LRGUK: variants seen among roughly 807,000 people sequenced by gnomAD.
LRGUK encodes leucine rich repeats and guanylate kinase domain containing.
LRGUK carries 65 observed loss-of-function variants against 76.0 expected under a neutral mutation model. That is an observed-to-expected ratio of 0.85 (90% CI 0.70 to 1.05). LRGUK has a LOEUF of 1.05. Among genes scored for constraint, LRGUK ranks in the 50% least tolerant of loss-of-function variants. The pLI is 0.00. For synonymous variants in LRGUK, 268 were observed against 265.6 expected, an observed-to-expected ratio of 1.01 and a Z score of -0.09; for missense variants, 758 against 732.8, an observed-to-expected ratio of 1.03 and a Z score of -0.40.
rs932110684 is a variant in LRGUK at position 134,149,382 on chromosome 7, A to T, written c.670+1063A>T. ...ATTTTGGGAGACAGAATGGAGAATGAATTGATTGCCTTGGGTGCCTCATTC... is the reference window on the plus strand; with the variant it reads ...ATTTTGGGAGACAGAATGGAGAATGTATTGATTGCCTTGGGTGCCTCATTC... On this transcript the variant is annotated intron_variant, in intron 5 of 15. Coordinates refer to ENST00000645682, the Ensembl canonical transcript of LRGUK. Among the ~76,000 whole-genome samples, 3 of 152,178 alleles carry T rather than the reference A, an allele frequency of 2.0e-5. No homozygotes were observed. The South Asian group carries it at 6.2e-4, about 32-fold the overall frequency.
intron 1 of LRGUK, among the ~76,000 whole-genome samples, chr7:134,134,883 C>G (rs1301852259): frequency 4.6e-5 from 7 of 152,182 alleles, no homozygotes; most frequent in Non-Finnish European, 8.8e-5. Context: ...ATTGGGAACA[C>G]TACGTTGCAC....
chr7:134,213,979 T>C (rs938325443), downstream of LRGUK, among the ~76,000 whole-genome samples: 2 of 152,352 alleles, frequency 1.3e-5, no homozygotes, highest in East Asian at 3.8e-4. Context: ...ACATTAGTAA[T>C]ACCATCTTTA....
At chr7:134,139,394 T>G in intron 2 of LRGUK, 42 bp from the exon 3 acceptor site, 1 of 1,315,100 alleles carries the variant, frequency 7.6e-7, no homozygotes, top group South Asian at 1.2e-5. Flanking sequence ...AGTAGTAACC[T>G]GATAAAGCAA....
chr7:134,219,095 A>G (rs947859557), intron 15 of LRGUK, among the ~76,000 whole-genome samples: 3 of 152,234 alleles, frequency 2.0e-5, no homozygotes, highest in Non-Finnish European at 4.4e-5. Context: ...ACTTTAATTT[A>G]GATAGCTTGA....
intron 5 of LRGUK, among the ~76,000 whole-genome samples, chr7:134,151,336 T>G (rs1046690241): frequency 6.6e-6 from 1 of 152,078 alleles, no homozygotes; most frequent in African/African-American, 2.4e-5. Context: ...AGAAAAATAT[T>G]ACACATCAGT....
intron 16 of LRGUK, among the ~76,000 whole-genome samples, chr7:134,227,333 A>C (rs557562006): frequency 1.3e-5 from 2 of 152,322 alleles, no homozygotes; most frequent in East Asian, 3.9e-4. Context: ...CTTGGAGTAA[A>C]GGTGAACAAA....
rs543597805 is a variant in LRGUK, at chr7:134,198,494, T to C, written c.1546-726T>C. On this transcript the variant is annotated intron_variant, in intron 13 of 15. Coordinates refer to ENST00000645682, the Ensembl canonical transcript of LRGUK. ...TAGCCTGTATTTCTTCCAACTGAAT[T>C]TTTAAAACAAAGACTTTGAACATTG... 3.3e-5 allele frequency among the ~76,000 whole-genome samples: 5 copies of C among 152,350 alleles called. No individual in the cohort carries two copies. In the South Asian group the frequency reaches 1.0e-3, roughly 32 times the overall value.
intron 1 of LRGUK, among the ~76,000 whole-genome samples, chr7:134,128,426 C>T (rs1254403466): frequency 1.3e-5 from 2 of 152,206 alleles, no homozygotes; most frequent in African/African-American, 4.8e-5. Flanking sequence ...TTATTATGGT[C>T]CTTTTCCTTT....
At chr7:134,157,961 G>T (rs1798556860) in intron 5 of LRGUK, 74 bp from the exon 6 acceptor site, 1 of 1,388,486 alleles carries the variant, frequency 7.2e-7, no homozygotes, top group African/African-American at 1.4e-5. Context: ...GTCTAGTGAT[G>T]ATTTAACACT....
chr7:134,237,223 T>C (rs574775845), intron 16 of LRGUK, among the ~76,000 whole-genome samples: 1 of 152,038 alleles, frequency 6.6e-6, no homozygotes, highest in East Asian at 1.9e-4. Context: ...CCCAGCTAAT[T>C]TTTGTATTTT....
Position 134,226,245 on chromosome 7 carries a change from TGTGTGTG to T in LRGUK, c.1983+4328_1983+4334del, listed in dbSNP as rs1262098426. Among the ~76,000 whole-genome samples the T allele has an allele frequency of 2.6e-3, 400 of 151,728 alleles. 1 individual carries two copies. The highest frequency in any genetic ancestry group is 4.4e-3 in the Admixed American group (67 of 15,212). On this transcript the variant is annotated intron_variant, in intron 16 of 19. Transcript: ENST00000285928. The stretch of plus-strand genomic sequence containing the variant: ...GTGTGTGTGTGTGTGTGTGTGTGTG[TGTGTGTG>T]TGTGTGTGTTTCTGGTTCTGTTTCT...
intron 11 of LRGUK, 22 bp downstream of exon 11, chr7:134,183,875 T>G (rs1799866664): frequency 6.2e-7 from 1 of 1,611,700 alleles, no homozygotes. Flanking sequence ...TATTGGCTTG[T>G]TAAGACTTGG....
chr7:134,179,891 T>C lies in LRGUK; in HGVS notation c.1214+1282T>C, dbSNP rs180939239. ...CTCTGTCTAGGCCAGTACACAACTC[T>C]CTGTCAGCACCAGAAGTCAGGATCC... On this transcript the variant is annotated intron_variant, in intron 10 of 15. Coordinates refer to ENST00000645682, the Ensembl canonical transcript of LRGUK. 5.6e-4 allele frequency among the ~76,000 whole-genome samples: 86 copies of C among 152,282 alleles called. 1 individual carries two copies. Among genetic ancestry groups the C allele is most frequent in the Admixed American group, 3.1e-3 (48 of 15,294 alleles).
intron 16 of LRGUK, among the ~76,000 whole-genome samples, chr7:134,229,847 A>G (rs1301995613): frequency 1.3e-5 from 2 of 152,210 alleles, no homozygotes; most frequent in South Asian, 2.1e-4. Context: ...ATAAATAGGA[A>G]CAAAATTAGA....
chr7:134,177,018 G>A (rs1192924197), exon 9 of LRGUK: 17 of 1,603,126 alleles, frequency 1.1e-5, no homozygotes, highest in Non-Finnish European at 1.4e-5. Context: ...TTATGCTTCT[G>A]CGATTAACAG....
Position 134,149,118 on chromosome 7 carries a change from A to AAG in LRGUK, c.670+800_670+801insGA, listed in dbSNP as rs957880460. ...TATGCTTTCTTTTTTTAAAAAAAAA[A>AAG]AAAAACAACTTTTGATTTGATTTGC... On this transcript the variant is annotated intron_variant, in intron 5 of 15. Transcript: ENST00000645682. Among the ~76,000 whole-genome samples, 36 of 151,358 alleles carry AAG rather than the reference A, an allele frequency of 2.4e-4. 1 individual carries two copies. Among genetic ancestry groups the AAG allele is most frequent in the Non-Finnish European group, 4.4e-4 (30 of 67,818 alleles).
intron 1 of LRGUK, among the ~76,000 whole-genome samples, chr7:134,133,720 C>T (rs1040145599): frequency 6.6e-6 from 1 of 152,016 alleles, no homozygotes; most frequent in African/African-American, 2.4e-5. Flanking sequence ...GGGGTAGTTG[C>T]AACCAGGGAA....
intron 12 of LRGUK, among the ~76,000 whole-genome samples, chr7:134,196,250 CA>C (rs1279565133): frequency 6.6e-6 from 1 of 151,890 alleles, no homozygotes; most frequent in African/African-American, 2.4e-5. Flanking sequence ...ATAGTATTGC[CA>C]AAGAAAAAAT....
chr7:134,172,447 C>T (rs1402691721), intron 7 of LRGUK, among the ~76,000 whole-genome samples: 1 of 152,094 alleles, frequency 6.6e-6, no homozygotes, highest in Admixed American at 6.6e-5. Flanking sequence ...TGAGGGAAAT[C>T]TAATTCTTTA....
Sources: allele counts gnomAD v4.1 joint callset (sites outside exome capture counted in the v4.1 genomes callset), GRCh38; gene constraint gnomAD v4.1.1; transcripts MANE v1.5; gene names NCBI Gene and HGNC (gene_info 2026-07-23, HGNC 2026-07-21).